The following GLI2 variants were observed in gnomAD, a reference collection of about 807,000 sequenced individuals.
GLI2 encodes the protein transcription activator GLI2.
In GLI2, 22 loss-of-function variants were observed where a neutral mutation model predicts 78.9. The ratio of observed to expected loss-of-function variants is 0.28; its 90% confidence interval spans 0.20 to 0.40. The LOEUF is 0.40. Among genes scored for constraint, GLI2 ranks in the 10% least tolerant of loss-of-function variants. The pLI is 1.00. For synonymous variants in GLI2, 974 were observed against 963.7 expected (o/e 1.01, Z -0.20); for missense variants, 2,097 against 2,213.2 (o/e 0.95, Z 1.05).
intron 2 of GLI2, among the ~76,000 whole-genome samples, chr2:120,910,552 C>A (rs1309001605): frequency 6.6e-6 from 1 of 152,220 alleles, no homozygotes; most frequent in Non-Finnish European, 1.5e-5. Flanking sequence ...ACTGCAATCA[C>A]TCTTGGGGAC....
Position 120,737,420 on chromosome 2 carries a change from AG to A in GLI2, c.-31+1138del, listed in dbSNP as rs1682402808. 6.6e-6 allele frequency among the ~76,000 whole-genome samples: 1 copy of A among 152,064 alleles called. No homozygotes were observed. The highest frequency in any genetic ancestry group is 1.9e-4 in the East Asian group (1 of 5,168). On this transcript the variant is annotated intron_variant, in intron 1 of 13. Coordinates refer to ENST00000361492, the MANE Select transcript of GLI2 (RefSeq NM_001374353.1). This position sits in a 1 kb window ranked among gnomAD's most constrained non-coding sequence, Gnocchi z 4.3. ...CTCTCGGGGACCTCGAGCCCCCCCGAGGGTGCCTCTTTCCACTACCTTCTCT... is the reference window on the plus strand; with the variant it reads ...CTCTCGGGGACCTCGAGCCCCCCCGAGGTGCCTCTTTCCACTACCTTCTCT...
chr2:120,882,824 AG>A (rs1296332386), intron 2 of GLI2, among the ~76,000 whole-genome samples: 4 of 151,934 alleles, frequency 2.6e-5, no homozygotes, highest in Non-Finnish European at 4.4e-5. Context: ...TCTTAAAATC[AG>A]GTTTATGAAG....
rs1683189797 is a variant in GLI2, at chr2:120,989,661, A to C, written c.3696A>C (p.Gln1232His). The change falls in exon 14 of 14, where the codon CAA (glutamine) becomes CAC (histidine). Residue 1232 changes from glutamine to histidine, a missense_variant. Physicochemically the swap from Gln to His is conservative, Grantham distance 24. This residue lies in a region of GLI2 where 1,290 missense variants were observed against 1,261.7 expected (regional missense o/e 1.02). Coordinates refer to ENST00000361492, the MANE Select transcript of GLI2 (RefSeq NM_001374353.1). The part of the protein sequence containing the change: ...TTMSPHACYG[Q>H]VHPQLSPSTI... ...TGAGCCCCCATGCCTGCTATGGCCAAGTCCACCCCCAGCTGAGCCCCAGCA... is the reference window on the plus strand; with the variant it reads ...TGAGCCCCCATGCCTGCTATGGCCACGTCCACCCCCAGCTGAGCCCCAGCA... 4 of 1,613,414 alleles carry C rather than the reference A, an allele frequency of 2.5e-6. No individual in the cohort carries two copies. The Admixed American group carries it at 5.0e-5, about 20-fold the overall frequency.
At chr2:120,809,207 C>G (rs1467312861) in intron 2 of GLI2, among the ~76,000 whole-genome samples, 1 of 152,134 alleles carries the variant, frequency 6.6e-6, no homozygotes, top group Non-Finnish European at 1.5e-5. Flanking sequence ...AAGTGCTAAT[C>G]AATGGTATAC....
rs886044110 is a variant in GLI2, at chr2:120,988,380, C to T, written c.2415C>T (p.Arg805=). Residue 805 remains arginine, a synonymous_variant, in exon 14 of 14, where the codon CGC becomes CGT. Coordinates refer to ENST00000361492, the MANE Select transcript of GLI2 (RefSeq NM_001374353.1). ...TVSSAYTVSR[R]SSGISPYFSS... ...GCTCGGCCTACACCGTGAGCCGCCG[C>T]TCCTCCGGCATCTCCCCCTACTTCT... is the stretch of plus-strand genomic sequence containing the variant. The T allele has an allele frequency of 7.6e-6, 12 of 1,571,172 alleles. No individual in the cohort carries two copies. Among genetic ancestry groups the T allele is most frequent in the Non-Finnish European group, 8.6e-6 (10 of 1,168,348 alleles).
intron 2 of GLI2, among the ~76,000 whole-genome samples, chr2:120,925,930 G>A (rs945684311): frequency 3.9e-5 from 6 of 151,912 alleles, no homozygotes; most frequent in Admixed American, 2.0e-4. Flanking sequence ...AAAATTAGCC[G>A]GGCGTGGTGT....
At chr2:120,928,204 A>T (rs1679784177) in intron 3 of GLI2, among the ~76,000 whole-genome samples, 1 of 151,906 alleles carries the variant, frequency 6.6e-6, no homozygotes, top group Non-Finnish European at 1.5e-5. Context: ...AAGGTCAGCC[A>T]GCCCCAAGAC....
At chr2:120,798,235 G>C (rs776278444) in intron 2 of GLI2, among the ~76,000 whole-genome samples, 29 of 152,256 alleles carry the variant, frequency 1.9e-4, no homozygotes, top group Non-Finnish European at 2.9e-4. Context: ...GCAGGGAAGA[G>C]AATGCGCCTT....
chr2:120,921,300 G>A (rs1018812657), intron 2 of GLI2, among the ~76,000 whole-genome samples: 1 of 152,064 alleles, frequency 6.6e-6, no homozygotes, highest in African/African-American at 2.4e-5. Context: ...TATTATACCT[G>A]GGCTCAGAGG....
intron 2 of GLI2, among the ~76,000 whole-genome samples, chr2:120,868,175 AAGG>A (rs1415798706): frequency 6.6e-6 from 1 of 152,204 alleles, no homozygotes; most frequent in African/African-American, 2.4e-5. Flanking sequence ...TTTGAGCTGC[AAGG>A]AGGACTCCAG....
chr2:120,968,905 G>GCGGGGCTCC lies in GLI2; in HGVS notation c.835_836insCGGGGCTCC (p.Gly279delinsAlaGlyLeuArg). ...CGGTTCCTACGGGCATCTGTCAGCG[G>GCGGGGCTCC]GTGCCCTCAGGTGAGCCCCGCCTGC... On this transcript the variant is annotated protein_altering_variant, in exon 6 of 14. Transcript: ENST00000361492. The GCGGGGCTCC allele has an allele frequency of 6.2e-7, 1 of 1,610,982 alleles. No homozygotes were observed. The highest frequency in any genetic ancestry group is 8.5e-7 in the Non-Finnish European group (1 of 1,179,478).
At chr2:120,831,406 G>A (rs1338363285) in intron 2 of GLI2, among the ~76,000 whole-genome samples, 1 of 152,196 alleles carries the variant, frequency 6.6e-6, no homozygotes, top group Non-Finnish European at 1.5e-5. Context: ...CTCACAGTGT[G>A]GGGACAGGTT....
At chr2:120,774,426 T>C (rs560671925) in intron 1 of GLI2, among the ~76,000 whole-genome samples, 4 of 152,306 alleles carry the variant, frequency 2.6e-5, no homozygotes, top group Middle Eastern at 6.8e-3. Flanking sequence ...ATCTAAGTTC[T>C]ACACATTTTT....
chr2:120,758,861 G>A (rs34875362), intron 1 of GLI2, among the ~76,000 whole-genome samples: 1,629 of 152,196 alleles, frequency 0.011, 33 homozygotes, highest in African/African-American at 0.037. Context: ...TTGCACAGAA[G>A]GGGAGGGGCA....
rs1683286892 is a variant in GLI2 at position 120,991,352 on chromosome 2, G to GT, written c.*677_*678insT. 6.6e-6 allele frequency: 1 copy of GT among 152,636 alleles called. No homozygotes were observed. The highest frequency in any genetic ancestry group is 2.4e-5 in the African/African-American group (1 of 41,444). 9.5% of individuals were successfully genotyped at this position (152,636 alleles called of 1,614,324 possible). On this transcript the variant is annotated 3_prime_UTR_variant, in exon 14 of 14. Coordinates refer to ENST00000361492, the MANE Select transcript of GLI2 (RefSeq NM_001374353.1). ...ATGAATAAAGCATCCAAGTATATAT[G>GT]AATGAATAAAGTATGTAAGTATCAC...
At chr2:120,751,047 G>T (rs185110973) in intron 1 of GLI2, among the ~76,000 whole-genome samples, 1 of 152,176 alleles carries the variant, frequency 6.6e-6, no homozygotes, top group East Asian at 1.9e-4. Flanking sequence ...GACTGTTGCC[G>T]GTTGGAAAAG....
chr2:120,846,127 A>G (rs896574627), intron 2 of GLI2, among the ~76,000 whole-genome samples: 1 of 151,860 alleles, frequency 6.6e-6, no homozygotes, highest in African/African-American at 2.4e-5. Context: ...CCTGGTTTAG[A>G]TCTCCCCCGT....
At chr2:120,817,817 G>A (rs1158900738) in intron 2 of GLI2, among the ~76,000 whole-genome samples, 5 of 152,076 alleles carry the variant, frequency 3.3e-5, no homozygotes, top group African/African-American at 9.7e-5. Context: ...CTTTGCGGGC[G>A]TAGCGTCCTC....
intron 1 of GLI2, among the ~76,000 whole-genome samples, chr2:120,751,618 A>G (rs913949736): frequency 2.0e-5 from 3 of 152,194 alleles, no homozygotes; most frequent in Non-Finnish European, 4.4e-5. Context: ...TGAAAAGAGG[A>G]AAAGAAGGCA....
Sources: allele counts gnomAD v4.1 joint callset (sites outside exome capture counted in the v4.1 genomes callset), GRCh38; gene constraint gnomAD v4.1.1; regional missense constraint gnomAD v4.1.1; non-coding constraint Gnocchi (gnomAD v3.1); transcripts MANE v1.5; gene names NCBI Gene and HGNC (gene_info 2026-07-23, HGNC 2026-07-21).